The following TIAM1 variants were observed in gnomAD, a reference collection of about 807,000 sequenced individuals.
The protein encoded by TIAM1 is rho guanine nucleotide exchange factor TIAM1.
Under a neutral mutation model 163.5 loss-of-function variants are expected in TIAM1, and 65 were observed. The observed-to-expected ratio is 0.40, with a 90% confidence interval of 0.33 to 0.49. The LOEUF (loss-of-function observed/expected upper bound fraction) is 0.49, where lower values mean the gene tolerates loss of function less well. TIAM1 is among the 20% of genes least tolerant of loss of function. TIAM1 has a pLI of 0.77. For synonymous variants in TIAM1, 833 were observed against 810.1 expected, an observed-to-expected ratio of 1.03 and a Z score of -0.48; for missense variants, 1,789 against 2,044.7, an observed-to-expected ratio of 0.87 and a Z score of 2.41.
rs148747075 is a variant in TIAM1, at chr21:31,145,907, G to A, written c.3475+988C>T. Among the ~76,000 whole-genome samples the A allele has an allele frequency of 4.7e-3, 711 of 152,210 alleles. 4 individuals are homozygous for A. Among genetic ancestry groups the A allele is most frequent in the African/African-American group, 0.016 (678 of 41,522 alleles). ...ATAACAAAATGATGTTGAACAAAAT[G>A]ACATTAGTTGGGAACCTGCTGTACA... On this transcript the variant is annotated intron_variant, in intron 20 of 27. Transcript: ENST00000541036.
chr21:31,126,892 C>T (rs542139037), intron 26 of TIAM1, among the ~76,000 whole-genome samples, 173 bp downstream of exon 26: 1 of 152,160 alleles, frequency 6.6e-6, no homozygotes, highest in Non-Finnish European at 1.5e-5. Context: ...TCAGGAATCC[C>T]GATAACACCT....
chr21:31,520,250 G>C (rs1160788918), intron 1 of TIAM1, among the ~76,000 whole-genome samples: 1 of 151,662 alleles, frequency 6.6e-6, no homozygotes, highest in Non-Finnish European at 1.5e-5. Flanking sequence ...AGAATCGCTT[G>C]AACCTGGGAG....
At chr21:31,526,805 G>A (rs1157198368) in intron 1 of TIAM1, among the ~76,000 whole-genome samples, 5 of 152,080 alleles carry the variant, frequency 3.3e-5, no homozygotes, top group East Asian at 3.9e-4. Flanking sequence ...AGGTTCGTGC[G>A]ATTTTCCTGC....
chr21:31,309,314 C>T (rs531462450), intron 2 of TIAM1, among the ~76,000 whole-genome samples: 12 of 152,060 alleles, frequency 7.9e-5, no homozygotes, highest in African/African-American at 2.4e-4. Flanking sequence ...AAAAATTAGC[C>T]GGGCACGGTG....
At chr21:31,188,914 T>TA (rs2085423097) in intron 13 of TIAM1, among the ~76,000 whole-genome samples, 1 of 151,670 alleles carries the variant, frequency 6.6e-6, no homozygotes, top group South Asian at 2.1e-4. Flanking sequence ...CCCTGTGGGG[T>TA]ACCAGGAAAC....
intron 4 of TIAM1, among the ~76,000 whole-genome samples, chr21:31,263,501 C>T (rs996307791): frequency 2.6e-4 from 40 of 152,110 alleles, no homozygotes; most frequent in African/African-American, 9.7e-4. Context: ...ATAGAAATTT[C>T]GTATAATAAT....
intron 2 of TIAM1, among the ~76,000 whole-genome samples, chr21:31,300,236 T>C (rs2074449284): frequency 1.3e-5 from 2 of 152,188 alleles, no homozygotes. Context: ...GGAAGTTTCC[T>C]AAGGTCTCCC....
At chr21:31,206,440 C>A (rs2086455385) in intron 11 of TIAM1, among the ~76,000 whole-genome samples, 1 of 152,108 alleles carries the variant, frequency 6.6e-6, no homozygotes, top group African/African-American at 2.4e-5. Context: ...CATAGTAATT[C>A]TAAATGTGTG....
Position 31,130,220 on chromosome 21 carries a change from C to T in TIAM1, c.4038G>A (p.Ala1346=), listed in dbSNP as rs748195925. 27 of 1,614,006 alleles carry T rather than the reference C, an allele frequency of 1.7e-5. No homozygotes were observed. Among genetic ancestry groups the T allele is most frequent in the East Asian group, 6.7e-5 (3 of 44,872 alleles). ...GCACAGGTGAGAGTTTACCTGCACT[C>T]GCCAAAGCTCGAACCTGCAGCGCTT... ...PTEALQVRAL[A]SADAEANAVC... The change falls in exon 25 of 28, where the codon GCG becomes GCA. Residue 1346 remains alanine (A), a synonymous_variant. Coordinates refer to ENST00000541036, the MANE Select transcript of TIAM1 (RefSeq NM_001353694.2).
intron 2 of TIAM1, among the ~76,000 whole-genome samples, chr21:31,416,954 C>A (rs1179928281): frequency 6.6e-6 from 1 of 152,218 alleles, no homozygotes; most frequent in African/African-American, 2.4e-5. Context: ...TGCCTGTATT[C>A]ATCTGTTTTG....
chr21:31,351,410 T>C (rs1281468125), intron 2 of TIAM1, among the ~76,000 whole-genome samples: 1 of 152,224 alleles, frequency 6.6e-6, no homozygotes, highest in Non-Finnish European at 1.5e-5. Flanking sequence ...TGTATGCACA[T>C]ATAATTTGGG....
chr21:31,377,154 C>T (rs775325148), intron 2 of TIAM1, among the ~76,000 whole-genome samples: 6 of 142,174 alleles, frequency 4.2e-5, no homozygotes, highest in Non-Finnish European at 7.5e-5. Flanking sequence ...GCTACGATTA[C>T]AGGTGTGAGC....
chr21:31,330,426 T>C (rs183257890), intron 2 of TIAM1, among the ~76,000 whole-genome samples: 124 of 152,252 alleles, frequency 8.1e-4, no homozygotes, highest in African/African-American at 2.6e-3. Flanking sequence ...GTTCTTTGTA[T>C]TTTTTGTTTG....
At chr21:31,343,490 A>G (rs1233044912) in intron 1 of TIAM1, among the ~76,000 whole-genome samples, 1 of 152,148 alleles carries the variant, frequency 6.6e-6, no homozygotes, top group Non-Finnish European at 1.5e-5. Flanking sequence ...ACAGACATTT[A>G]AAAAAATGAT....
At chr21:31,404,295 C>T (rs1602198325) in intron 2 of TIAM1, among the ~76,000 whole-genome samples, 1 of 152,132 alleles carries the variant, frequency 6.6e-6, no homozygotes, top group East Asian at 1.9e-4. Context: ...AACCAAATTG[C>T]TTGGTCTCTA....
intron 23 of TIAM1, 72 bp from the exon 24 acceptor site, chr21:31,131,020 T>A: frequency 7.5e-7 from 1 of 1,333,460 alleles, no homozygotes; most frequent in Non-Finnish European, 1.1e-6. Context: ...CACCAACTTG[T>A]GGTAATAAAC....
At chr21:31,538,330 G>A (rs113557200) in intron 1 of TIAM1, among the ~76,000 whole-genome samples, 1 of 152,110 alleles carries the variant, frequency 6.6e-6, no homozygotes, top group African/African-American at 2.4e-5. Context: ...AATGCATGAG[G>A]CCAGAAGTTT....
intron 6 of TIAM1, among the ~76,000 whole-genome samples, 191 bp from the exon 7 acceptor site, chr21:31,226,141 C>T (rs1293102388): frequency 6.6e-6 from 1 of 152,166 alleles, no homozygotes. Flanking sequence ...GGTCAGATGC[C>T]CACTCTCCCC....
chr21:31,341,743 CT>C (rs1488516943), intron 1 of TIAM1, among the ~76,000 whole-genome samples: 1 of 152,172 alleles, frequency 6.6e-6, no homozygotes, highest in Non-Finnish European at 1.5e-5. Context: ...ACATGGTGTC[CT>C]CCTACTTGCA....
Sources: allele counts gnomAD v4.1 joint callset (sites outside exome capture counted in the v4.1 genomes callset), GRCh38; gene constraint gnomAD v4.1.1; transcripts MANE v1.5; gene names NCBI Gene and HGNC (gene_info 2026-07-23, HGNC 2026-07-21).